DST: variants seen among roughly 807,000 people sequenced by gnomAD.
DST encodes the protein bullous pemphigoid antigen.
In DST, 253 loss-of-function variants were observed where a neutral mutation model predicts 875.2. The observed-to-expected ratio is 0.29, with a 90% confidence interval of 0.26 to 0.32. The LOEUF is 0.32. Ranked by LOEUF, DST falls within the 10% of genes least tolerant of loss-of-function variation. DST has a pLI of 1.00. For missense variants in DST, 8,287 were observed against 9,111.6 expected (o/e 0.91, Z 3.68); for synonymous variants, 3,124 against 3,197.1 (o/e 0.98, Z 0.77).
At chr6:56,781,739 G>A (rs934018942) in intron 4 of DST, among the ~76,000 whole-genome samples, 16 of 152,030 alleles carry the variant, frequency 1.1e-4, no homozygotes, top group Admixed American at 9.2e-4. Flanking sequence ...AATTGCCCTG[G>A]CCAGAACTTT....
rs1453494852 is a variant in DST at position 56,631,981 on chromosome 6, G to A, written c.3865C>T (p.Arg1289Trp). The A allele has an allele frequency of 1.1e-5, 18 of 1,613,284 alleles. No homozygotes were observed. The highest frequency in any genetic ancestry group is 2.7e-5 in the African/African-American group (2 of 74,880). Residue 1289 changes from arginine (R) to tryptophan (W), a missense_variant, in exon 29 of 104, where the codon CGG becomes TGG. Transcript: ENST00000680361. ...YISEVRNIRL[R>W]LENCEDRLIR... The stretch of plus-strand genomic sequence containing the variant: ...AGCCGATCTTCACAGTTCTCTAACC[G>A]AAGTCTAATGTTTCGAACTTCAGAG...
At chr6:56,642,351 C>T (rs902945303) in intron 16 of DST, 59 bp downstream of exon 16, 5 of 1,218,774 alleles carry the variant, frequency 4.1e-6, no homozygotes, top group Non-Finnish European at 6.1e-6. Flanking sequence ...AGTTTTAGTT[C>T]ATCCAAACGC....
At chr6:56,950,286 C>T (rs377574579) in intron 2 of DST, among the ~76,000 whole-genome samples, 2 of 152,166 alleles carry the variant, frequency 1.3e-5, no homozygotes, top group East Asian at 1.9e-4. Context: ...CAAGGCTTCC[C>T]TTATTCCACT....
chr6:56,871,776 T>TAAAAAAAAAAAAAAAAAAAAA (rs746142378), intron 3 of DST: 16 of 95,422 alleles, frequency 1.7e-4, no homozygotes, highest in South Asian at 2.1e-4. Context: ...CAATTAAAAG[T>TAAAAAAAAAAAAAAAAAAAAA]AAAAAAAAAA....
At chr6:56,537,230 GC>G (rs2097023506) in intron 61 of DST, among the ~76,000 whole-genome samples, 1 of 152,176 alleles carries the variant, frequency 6.6e-6, no homozygotes, top group Non-Finnish European at 1.5e-5. Flanking sequence ...TCTCTTTATT[GC>G]TTCATTATCA....
intron 90 of DST, 53 bp from the exon 91 acceptor site, chr6:56,477,541 A>G: frequency 2.5e-6 from 4 of 1,604,658 alleles, no homozygotes; most frequent in Non-Finnish European, 3.4e-6. Flanking sequence ...TGAAAACAAA[A>G]CTCTGGTGGC....
At chr6:56,827,894 T>C (rs528823987) in intron 4 of DST, among the ~76,000 whole-genome samples, 5 of 152,208 alleles carry the variant, frequency 3.3e-5, no homozygotes, top group Admixed American at 2.6e-4. Flanking sequence ...AGGAGATACA[T>C]TCCCTTTCCC....
rs767724875 is a variant in DST at position 56,604,495 on chromosome 6, G to A, written c.10133C>T (p.Ala3378Val). 1 of 1,612,264 alleles carries A rather than the reference G, an allele frequency of 6.2e-7. No homozygotes were observed. Among genetic ancestry groups the A allele is most frequent in the African/African-American group, 1.3e-5 (1 of 74,816 alleles). The change falls in exon 40 of 104, where the codon GCC becomes GTC. Residue 3378 changes from alanine to valine, a missense_variant. Coordinates refer to ENST00000680361, the MANE Select transcript of DST (RefSeq NM_001374736.1). ...AATTAAAATTTTAGTGTCTGCACAG[G>A]CTGAAGGTTCTTCAACCTCTTGAGG... ...MNPQEVEEPSACADTKILIQN... is the reference protein window; with the variant it reads ...MNPQEVEEPSVCADTKILIQN...
chr6:56,850,765 A>G (rs1424314136), intron 4 of DST, among the ~76,000 whole-genome samples: 1 of 152,258 alleles, frequency 6.6e-6, no homozygotes, highest in African/African-American at 2.4e-5. Flanking sequence ...TTTTAGGGCC[A>G]ATGCAAGGGA....
Position 56,604,262 on chromosome 6 carries a change from G to C in DST, c.10366C>G (p.Gln3456Glu). 1 of 1,611,080 alleles carries C rather than the reference G, an allele frequency of 6.2e-7. No individual in the cohort carries two copies. The highest frequency in any genetic ancestry group is 8.5e-7 in the Non-Finnish European group (1 of 1,178,550). ...AATTCAAATACTCCTGTAATTTTTTGGCTATGTTGATCTTGCTTCAATATA... is the reference window on the plus strand; with the variant it reads ...AATTCAAATACTCCTGTAATTTTTTCGCTATGTTGATCTTGCTTCAATATA... The part of the protein sequence containing the change: ...LNILKQDQHS[Q>E]KITGVFELMR... The change falls in exon 40 of 104, where the codon CAA (glutamine) becomes GAA (glutamate). Residue 3456 changes from glutamine to glutamate, a missense_variant. Gln to Glu is a conservative substitution (Grantham distance 29). Coordinates refer to ENST00000680361, the MANE Select transcript of DST (RefSeq NM_001374736.1).
At chr6:56,617,268 C>T (rs967645288) in intron 36 of DST, 1 of 1,612,786 alleles carries the variant, frequency 6.2e-7, no homozygotes, top group Admixed American at 1.7e-5. Context: ...GTCTCTGGTT[C>T]TAAGCCCTTC....
At chr6:56,488,184 T>C (rs949504526) in intron 86 of DST, among the ~76,000 whole-genome samples, 2 of 152,178 alleles carry the variant, frequency 1.3e-5, no homozygotes, top group African/African-American at 2.4e-5. Context: ...TATAGAATCA[T>C]GGTATTGACA....
intron 32 of DST, among the ~76,000 whole-genome samples, chr6:56,628,827 A>G (rs2098754851): frequency 6.6e-6 from 1 of 152,202 alleles, no homozygotes; most frequent in South Asian, 2.1e-4. Context: ...ACTTTCTTGT[A>G]TCTTCAATTA....
At chr6:56,655,829 C>T (rs187491571) in intron 10 of DST, among the ~76,000 whole-genome samples, 1 of 152,084 alleles carries the variant, frequency 6.6e-6, no homozygotes, top group Non-Finnish European at 1.5e-5. Flanking sequence ...CCTCTGTTCC[C>T]AAATGCCGTC....
intron 67 of DST, among the ~76,000 whole-genome samples, chr6:56,528,367 G>A (rs1584123038): frequency 6.6e-6 from 1 of 152,236 alleles, no homozygotes; most frequent in East Asian, 1.9e-4. Flanking sequence ...TAGTTTCCCT[G>A]AGTTGTCCTA....
intron 50 of DST, among the ~76,000 whole-genome samples, chr6:56,575,828 G>T (rs2097855359): frequency 6.6e-6 from 1 of 152,098 alleles, no homozygotes; most frequent in Non-Finnish European, 1.5e-5. Context: ...AGACCTTTGT[G>T]ATTTCCTAAG....
intron 4 of DST, among the ~76,000 whole-genome samples, chr6:56,769,297 C>T (rs150760759): frequency 0.013 from 1,909 of 152,254 alleles, 19 homozygotes; most frequent in Non-Finnish European, 0.017. Flanking sequence ...CAACACCAGA[C>T]GCTGGCAAGG....
intron 4 of DST, among the ~76,000 whole-genome samples, chr6:56,752,784 T>C (rs1255365903): frequency 2.0e-5 from 3 of 151,940 alleles, no homozygotes; most frequent in East Asian, 1.9e-4. Flanking sequence ...CAAGATTGAG[T>C]TTTTTTGTTT....
intron 54 of DST, 107 bp downstream of exon 54, chr6:56,569,749 T>C: frequency 1.0e-6 from 1 of 977,620 alleles, no homozygotes; most frequent in Non-Finnish European, 1.5e-6. Flanking sequence ...AGTACATATA[T>C]GAGGATAAAA....
Sources: gnomAD v4.1 joint callset for allele counts (sites outside exome capture counted in the v4.1 genomes callset) on GRCh38, gnomAD v4.1.1 for gene constraint, MANE v1.5 for transcripts, NCBI Gene and HGNC (gene_info 2026-07-23, HGNC 2026-07-21) for gene names.